MRPL3: variants seen among roughly 807,000 people sequenced by gnomAD.
MRPL3 encodes large ribosomal subunit protein uL3m.
In MRPL3, 43 loss-of-function variants were observed where a neutral mutation model predicts 44.3. That is an observed-to-expected ratio of 0.97 (90% CI 0.76 to 1.25). The LOEUF (loss-of-function observed/expected upper bound fraction) is 1.25, where lower values mean the gene tolerates loss of function less well. MRPL3 is among the 50% of genes most tolerant of loss of function. The pLI, the probability that MRPL3 is intolerant of heterozygous loss-of-function variation, is 0.00. For missense variants in MRPL3, 406 were observed against 427.6 expected, an observed-to-expected ratio of 0.95 and a Z score of 0.45; for synonymous variants, 171 against 152.3, an observed-to-expected ratio of 1.12 and a Z score of -0.91.
chr3:131,481,838 C>T (rs1320415318), intron 6 of MRPL3, among the ~76,000 whole-genome samples: 1 of 152,148 alleles, frequency 6.6e-6, no homozygotes, highest in African/African-American at 2.4e-5. Context: ...ATACCCAGTA[C>T]ATAAAGTTAC....
intron 4 of MRPL3, among the ~76,000 whole-genome samples, chr3:131,497,464 A>G (rs999848481): frequency 3.3e-5 from 5 of 152,070 alleles, no homozygotes; most frequent in Non-Finnish European, 5.9e-5. Context: ...TTCATTTCAT[A>G]AACAGTTTAC....
chr3:131,469,728 C>T lies in MRPL3; in HGVS notation c.784G>A (p.Gly262Arg), dbSNP rs759020808. 6 of 1,612,204 alleles carry T rather than the reference C, an allele frequency of 3.7e-6. No homozygotes were observed. The highest frequency in any genetic ancestry group is 2.2e-5 in the South Asian group (2 of 90,992). ...WPGTKMPGKMGNIYRTEYGLK... is the reference protein window; with the variant it reads ...WPGTKMPGKMRNIYRTEYGLK... ...CCATATTCTGTCCTGTATATGTTTC[C>T]CATTTTTCCAGGCATTTTAGTTCCA... The change falls in exon 8 of 10, where the codon GGA becomes AGA. Residue 262 changes from glycine (G) to arginine (R), a missense_variant. Gly to Arg is a moderately radical substitution (Grantham distance 125, BLOSUM62 -2). Transcript: ENST00000264995.
At chr3:131,465,997 C>T (rs904006062) in intron 9 of MRPL3, among the ~76,000 whole-genome samples, 10 of 150,870 alleles carry the variant, frequency 6.6e-5, no homozygotes, top group South Asian at 2.1e-4. Context: ...CCTGAGGCCA[C>T]GTGATCCTAT....
intron 1 of MRPL3, among the ~76,000 whole-genome samples, chr3:131,502,159 A>T (rs538665318): frequency 5.3e-5 from 8 of 152,338 alleles, no homozygotes; most frequent in African/African-American, 1.9e-4. Flanking sequence ...AAGTTAAAAG[A>T]TCCACAAAAG....
chr3:131,465,731 ACGGGAAG>A (rs1316613208), intron 9 of MRPL3, among the ~76,000 whole-genome samples: 2 of 152,144 alleles, frequency 1.3e-5, no homozygotes, highest in Non-Finnish European at 2.9e-5. Flanking sequence ...ACAAAATACC[ACGGGAAG>A]TACAATGACA....
At position 131,487,666 on chromosome 3, in the gene MRPL3, C is replaced by T. The variant is rs1465071595; in HGVS notation, c.629+14G>A. 2 of 1,603,238 alleles carry T rather than the reference C, an allele frequency of 1.2e-6. No individual in the cohort carries two copies. Among genetic ancestry groups the T allele is most frequent in the African/African-American group, 1.3e-5 (1 of 74,488 alleles). ...GAAAACAAAAGGAAAAGAGAACTCG[C>T]TATGAGGACCTACGTTTTGGCTGTG... is the stretch of plus-strand genomic sequence containing the variant. On this transcript the variant is annotated intron_variant, in intron 6 of 9. Coordinates refer to ENST00000264995, the MANE Select transcript of MRPL3 (RefSeq NM_007208.4).
At chr3:131,480,386 T>A (rs1157955901) in intron 6 of MRPL3, among the ~76,000 whole-genome samples, 1 of 152,198 alleles carries the variant, frequency 6.6e-6, no homozygotes, top group African/African-American at 2.4e-5. Flanking sequence ...AGTTAGAAGG[T>A]GGCATGGAAT....
chr3:131,471,024 G>C (rs1582702810), intron 7 of MRPL3, 147 bp downstream of exon 7: 1 of 611,138 alleles, frequency 1.6e-6, no homozygotes, highest in East Asian at 2.8e-5. Context: ...TGAGTGAGGG[G>C]CAAGGATCCA....
intron 6 of MRPL3, among the ~76,000 whole-genome samples, chr3:131,486,787 C>T (rs1582713467): frequency 6.6e-6 from 1 of 152,120 alleles, no homozygotes; most frequent in Non-Finnish European, 1.5e-5. Flanking sequence ...GAATGGCAAT[C>T]ATTAAAAAGG....
At chr3:131,472,108 GT>G (rs754122501) in intron 6 of MRPL3, among the ~76,000 whole-genome samples, 1 of 152,128 alleles carries the variant, frequency 6.6e-6, no homozygotes, top group Non-Finnish European at 1.5e-5. Context: ...GGTAATAAAT[GT>G]TTGTTATTTT....
chr3:131,497,156 T>C (rs1167102434), intron 4 of MRPL3, among the ~76,000 whole-genome samples: 1 of 152,242 alleles, frequency 6.6e-6, no homozygotes, highest in Non-Finnish European at 1.5e-5. Context: ...TGTAACTTCC[T>C]CACTAGCTTA....
rs1390758337 is a variant in MRPL3, at chr3:131,498,186, C to T, written c.461G>A (p.Arg154His). The change falls in exon 4 of 10, where the codon CGT becomes CAT. Residue 154 changes from arginine (R) to histidine (H), a missense_variant. Transcript: ENST00000264995. The part of the protein sequence containing the change: ...TLSVGGKTVS[R>H]FRKATSILEF... The stretch of plus-strand genomic sequence containing the variant: ...ATGAAAATACATCCTTACACGAAAA[C>T]GTGATACAGTTTTTCCTCCTACAGA... 1 of 1,597,006 alleles carries T rather than the reference C, an allele frequency of 6.3e-7. No individual in the cohort carries two copies. The highest frequency in any genetic ancestry group is 8.6e-7 in the Non-Finnish European group (1 of 1,164,866).
intron 1 of MRPL3, 103 bp from the exon 2 acceptor site, chr3:131,501,818 T>C: frequency 2.5e-6 from 4 of 1,597,644 alleles, no homozygotes; most frequent in Non-Finnish European, 2.6e-6. Flanking sequence ...GTCAGGGCCT[T>C]GGGAAAGGGC....
At position 131,501,691 on chromosome 3, in the gene MRPL3, T is replaced by C; in HGVS notation, c.117A>G (p.Arg39=). ...GNRTHIWLFV[R]GLHGKSGTWW... The stretch of plus-strand genomic sequence containing the variant: ...ATGTACCACTCTTTCCATGAAGACC[T>C]CTAACAAAAAGCCAGATGTGTGTTC... The change falls in exon 2 of 10, where the codon AGA becomes AGG. Residue 39 remains arginine, a synonymous_variant. Coordinates refer to ENST00000264995, the MANE Select transcript of MRPL3 (RefSeq NM_007208.4). The C allele has an allele frequency of 6.2e-7, 1 of 1,612,746 alleles. No individual in the cohort carries two copies. Among genetic ancestry groups the C allele is most frequent in the South Asian group, 1.1e-5 (1 of 90,504 alleles).
intron 2 of MRPL3, among the ~76,000 whole-genome samples, chr3:131,501,135 A>C (rs1275407556): frequency 6.6e-6 from 1 of 152,228 alleles, no homozygotes; most frequent in Non-Finnish European, 1.5e-5. Flanking sequence ...AGACACAAAG[A>C]GCTGATCCAG....
chr3:131,491,379 G>A (rs950637933), intron 4 of MRPL3, among the ~76,000 whole-genome samples: 1 of 152,014 alleles, frequency 6.6e-6, no homozygotes, highest in South Asian at 2.1e-4. Context: ...CTACTCTCTC[G>A]GTTCTCATAT....
chr3:131,464,603 A>G (rs998948627), intron 9 of MRPL3, among the ~76,000 whole-genome samples: 1 of 152,164 alleles, frequency 6.6e-6, no homozygotes, highest in African/African-American at 2.4e-5. Flanking sequence ...CTGAAAATAA[A>G]TGATATATAG....
In MRPL3 at chr3:131,502,955, C is replaced by T. The variant is rs16836878; in HGVS notation, c.-134G>A. ...TCGCAATGGCCGCCGGAACGGTCGC[C>T]GGCCGATGCTCTCTGCGACGGAAAG... On this transcript the variant is annotated 5_prime_UTR_variant, in exon 1 of 10. Transcript: ENST00000264995. 0.016 allele frequency: 12,959 copies of T among 816,536 alleles called. 134 individuals carry two copies. Among genetic ancestry groups the T allele is most frequent in the East Asian group, 0.037 (1,365 of 37,024 alleles). 50.6% of individuals were successfully genotyped at this position (816,536 alleles called of 1,614,324 possible).
intron 8 of MRPL3, 142 bp from the exon 9 acceptor site, chr3:131,468,310 T>C (rs1472251929): frequency 2.0e-6 from 1 of 508,952 alleles, no homozygotes; most frequent in Non-Finnish European, 3.5e-6. Flanking sequence ...ACTGAAAAAC[T>C]TCAAGTCCTA....
Sources: allele counts gnomAD v4.1 joint callset (sites outside exome capture counted in the v4.1 genomes callset), GRCh38; gene constraint gnomAD v4.1.1; transcripts MANE v1.5; gene names NCBI Gene and HGNC (gene_info 2026-07-23, HGNC 2026-07-21).